Variants in RAPGEF2 observed in about 807,000 individuals in gnomAD.
RAPGEF2 encodes the protein Rap guanine nucleotide exchange factor 2.
In RAPGEF2, 54 loss-of-function variants were observed where a neutral mutation model predicts 186.7. The observed-to-expected ratio is 0.29, with a 90% CI of 0.23 to 0.36. The LOEUF (loss-of-function observed/expected upper bound fraction) is 0.36. RAPGEF2 is among the 10% of genes least tolerant of loss of function. The pLI is 1.00. For missense variants in RAPGEF2, 1,532 were observed against 2,045.0 expected (o/e 0.75, Z 4.84); for synonymous variants, 712 against 705.9 (o/e 1.01, Z -0.14).
chr4:159,183,671 T>C (rs1042085423), intron 1 of RAPGEF2, among the ~76,000 whole-genome samples: 2 of 152,222 alleles, frequency 1.3e-5, no homozygotes, highest in South Asian at 2.1e-4. Flanking sequence ...AAGGACCTTC[T>C]ATCCAGAATG....
chr4:159,204,452 G>A (rs758018139), intron 3 of RAPGEF2, among the ~76,000 whole-genome samples: 2 of 152,132 alleles, frequency 1.3e-5, no homozygotes, highest in Non-Finnish European at 2.9e-5. Context: ...AGAGGTGAGG[G>A]GGTCAGATCA....
At chr4:159,216,371 A>C (rs1750995224) in intron 4 of RAPGEF2, among the ~76,000 whole-genome samples, 1 of 152,200 alleles carries the variant, frequency 6.6e-6, no homozygotes, top group Admixed American at 6.5e-5. Flanking sequence ...TGGGTATTTT[A>C]ATGTATGTGG....
chr4:159,186,659 T>C lies in RAPGEF2; in HGVS notation c.87T>C (p.Tyr29=), dbSNP rs1452837473. The change falls in exon 2 of 30, where the codon TAT becomes TAC. Residue 29 remains tyrosine, a synonymous_variant. Coordinates refer to ENST00000691494, the MANE Select transcript of RAPGEF2 (RefSeq NM_001394067.2). ...TGAAACAGGATCTGGAAATAGTATA[T>C]TCCTATTTACATGGTATGGAAGCCT... The part of the protein sequence containing the change: ...ERTPQDLEIV[Y]SYLHGMEALS... 2.7e-6 allele frequency: 4 copies of C among 1,457,226 alleles called. No homozygotes were observed. The South Asian group carries it at 3.9e-5, about 14-fold the overall frequency. The allele number at this position is 1,457,226 out of a possible 1,614,324, so 90.3% of individuals were successfully genotyped here. A position where few individuals can be genotyped will look rare whatever the true frequency, so the allele number is the denominator to read the frequency against.
intron 1 of RAPGEF2, among the ~76,000 whole-genome samples, chr4:159,173,932 AT>A (rs1286809016): frequency 3.3e-5 from 5 of 152,222 alleles, no homozygotes; most frequent in Non-Finnish European, 7.3e-5. Context: ...AAATGAAGAT[AT>A]CTTTTGTTAA....
In RAPGEF2 at chr4:159,358,051, C is replaced by T. The variant is rs759024101; in HGVS notation, c.4958-63C>T. On this transcript the variant is annotated intron_variant, in intron 29 of 29. Transcript: ENST00000691494. ...TTTAGCACATCAGTGAATATATTCT[C>T]TATAGCACAAGAAATTACTTGCTTG... 8.6e-6 allele frequency: 13 copies of T among 1,517,722 alleles called. No homozygotes were observed. The South Asian group carries it at 1.5e-4, about 18-fold the overall frequency. The allele number at this position is 1,517,722 out of a possible 1,614,324, so 94.0% of individuals were successfully genotyped here.
intron 1 of RAPGEF2, among the ~76,000 whole-genome samples, chr4:159,172,014 A>G (rs1379324679): frequency 6.6e-6 from 1 of 152,086 alleles, no homozygotes; most frequent in Non-Finnish European, 1.5e-5. Context: ...ATATAATTTC[A>G]AGTAATGACA....
chr4:159,329,511 T>C (rs1440279222), intron 11 of RAPGEF2: 1 of 156,196 alleles, frequency 6.4e-6, no homozygotes, highest in East Asian at 1.8e-4. Context: ...AATTAAGTTT[T>C]TACATCTATT....
intron 28 of RAPGEF2, among the ~76,000 whole-genome samples, 165 bp downstream of exon 28, chr4:159,354,211 GT>G (rs1328368748): frequency 6.6e-6 from 1 of 152,126 alleles, no homozygotes; most frequent in East Asian, 1.9e-4. Context: ...ATCAATAGTG[GT>G]TAAGAGCCCA....
chr4:159,116,368 C>G (rs1739055551), intron 1 of RAPGEF2, among the ~76,000 whole-genome samples: 1 of 152,140 alleles, frequency 6.6e-6, no homozygotes, highest in African/African-American at 2.4e-5. Context: ...AAATGCAAAT[C>G]AAAACCACAG....
At position 159,330,443 on chromosome 4, in the gene RAPGEF2, T is replaced by C. The variant is rs746063692; in HGVS notation, c.1412T>C (p.Met471Thr). The C allele has an allele frequency of 1.9e-6, 3 of 1,608,706 alleles. No individual in the cohort carries two copies. The highest frequency in any genetic ancestry group is 2.7e-5 in the African/African-American group (2 of 74,582). Reference sequence around the variant, plus strand: ...TATAGGACTTTTCTTTCTAGCCCAATGGAAGTGGGCAAAAAGTTATTGGAG... The same window carrying C: ...TATAGGACTTTTCTTTCTAGCCCAACGGAAGTGGGCAAAAAGTTATTGGAG... ...LTYRTFLSSPMEVGKKLLEWF... is the reference protein window; with the variant it reads ...LTYRTFLSSPTEVGKKLLEWF... Residue 471 changes from methionine to threonine, a missense_variant, in exon 13 of 30, where the codon ATG (methionine) becomes ACG (threonine). Around this residue, in one of 4 missense-constraint regions of RAPGEF2, gnomAD observed 810 missense variants for 1,210.5 expected, o/e 0.67. Coordinates refer to ENST00000691494, the MANE Select transcript of RAPGEF2 (RefSeq NM_001394067.2).
intron 7 of RAPGEF2, among the ~76,000 whole-genome samples, chr4:159,292,429 C>T (rs75370677): frequency 0.044 from 6,751 of 152,160 alleles, 250 homozygotes; most frequent in Non-Finnish European, 0.063. Context: ...ACCTTTCACA[C>T]CCTATATCCT....
intron 1 of RAPGEF2, among the ~76,000 whole-genome samples, chr4:159,170,081 C>CT (rs36018963): frequency 0.46 from 66,969 of 146,012 alleles, 15,689 homozygotes; most frequent in African/African-American, 0.6. Context: ...ATGCTCATCT[C>CT]TTTTTTTTTT....
intron 7 of RAPGEF2, among the ~76,000 whole-genome samples, chr4:159,271,948 T>C (rs944482673): frequency 1.3e-5 from 2 of 152,208 alleles, no homozygotes; most frequent in Non-Finnish European, 2.9e-5. Context: ...TTCTTCCTTC[T>C]GCTTTTCTGT....
intron 7 of RAPGEF2, among the ~76,000 whole-genome samples, chr4:159,252,471 TC>T (rs1755577352): frequency 6.6e-6 from 1 of 152,238 alleles, no homozygotes; most frequent in Non-Finnish European, 1.5e-5. Flanking sequence ...AATAAGCATA[TC>T]CCTAACCAAC....
intron 1 of RAPGEF2, among the ~76,000 whole-genome samples, chr4:159,135,006 A>C (rs542558547): frequency 1.2e-4 from 19 of 152,128 alleles, no homozygotes; most frequent in Non-Finnish European, 2.4e-4. Context: ...AGATTCATCC[A>C]TGTTGTAGCA....
At chr4:159,144,879 G>GTTTTTTTTTTTTTTTTTTT (rs137978885) in intron 1 of RAPGEF2, among the ~76,000 whole-genome samples, 2 of 92,336 alleles carry the variant, frequency 2.2e-5, no homozygotes, top group African/African-American at 8.5e-5. Flanking sequence ...CTTTCTTCCT[G>GTTTTTTTTTTTTTTTTTTT]TTTTTTTTTT....
In RAPGEF2 at chr4:159,354,582, G is replaced by A. The variant is rs568216268; in HGVS notation, c.4651+536G>A. 2.6e-5 allele frequency among the ~76,000 whole-genome samples: 4 copies of A among 152,320 alleles called. No homozygotes were observed. In the South Asian group the frequency reaches 6.2e-4, roughly 24 times the overall value. On this transcript the variant is annotated intron_variant, in intron 28 of 29. Transcript: ENST00000691494. ...TAATAGTGTAATGACTAAGAGCACG[G>A]GTTTAGGAGTCAGGCGGACTGGGGA...
Position 159,330,316 on chromosome 4 carries a change from A to G in RAPGEF2, c.1303-18A>G. ...GTGTGTATATATATGTAGTAATTAA[A>G]CCTTTTCTTTGTTACAGGGTACCTC... On this transcript the variant is annotated intron_variant, in intron 12 of 29. Coordinates refer to ENST00000691494, the MANE Select transcript of RAPGEF2 (RefSeq NM_001394067.2). 8.0e-7 allele frequency: 1 copy of G among 1,256,692 alleles called. No individual in the cohort carries two copies. The highest frequency in any genetic ancestry group is 1.1e-6 in the Non-Finnish European group (1 of 936,662). 77.8% of individuals were successfully genotyped at this position (1,256,692 alleles called of 1,614,324 possible). A position where few individuals can be genotyped will look rare whatever the true frequency, so the allele number is the denominator to read the frequency against.
intron 17 of RAPGEF2, among the ~76,000 whole-genome samples, chr4:159,333,045 T>A (rs1766914403): frequency 6.6e-6 from 1 of 152,116 alleles, no homozygotes; most frequent in Non-Finnish European, 1.5e-5. Flanking sequence ...AGTGGCGCGA[T>A]CTCGGCTCAC....
Sources: allele counts gnomAD v4.1 joint callset (sites outside exome capture counted in the v4.1 genomes callset), GRCh38; gene constraint gnomAD v4.1.1; regional missense constraint gnomAD v4.1.1; transcripts MANE v1.5; gene names NCBI Gene and HGNC (gene_info 2026-07-23, HGNC 2026-07-21).